The following KNSTRN variants were observed in gnomAD, a reference collection of about 807,000 sequenced individuals.
The protein encoded by KNSTRN is small kinetochore-associated protein.
KNSTRN carries 38 observed loss-of-function variants against 44.7 expected under a neutral mutation model. The observed-to-expected ratio is 0.85, with a 90% CI of 0.66 to 1.11. The LOEUF (loss-of-function observed/expected upper bound fraction) is 1.11. Ranked by LOEUF, KNSTRN falls within the 50% of genes most tolerant of loss-of-function variation. The pLI is 0.00. For synonymous variants in KNSTRN, 158 were observed against 148.1 expected (o/e 1.07, Z -0.48); for missense variants, 406 against 375.8 (o/e 1.08, Z -0.66).
rs941367526 is a variant in KNSTRN, at chr15:40,393,951, T to G, written c.*354T>G. ...GAGGATCTAAAATGTCACATTCAGA[T>G]TTTCAGGAAGAAAATCTTCATTACA... On this transcript the variant is annotated 3_prime_UTR_variant, in exon 9 of 9. Coordinates refer to ENST00000249776, the MANE Select transcript of KNSTRN (RefSeq NM_033286.4). 3 of 175,936 alleles carry G rather than the reference T, an allele frequency of 1.7e-5. No homozygotes were observed. The East Asian group carries it at 5.2e-4, about 30-fold the overall frequency. The allele number at this position is 175,936 out of a possible 1,614,324, so 10.9% of individuals were successfully genotyped here. A position where few individuals can be genotyped will look rare whatever the true frequency, so the allele number is the denominator to read the frequency against.
intron 7 of KNSTRN, 74 bp downstream of exon 7, chr15:40,391,628 T>C (rs1455874450): frequency 1.3e-5 from 16 of 1,229,938 alleles, no homozygotes; most frequent in Non-Finnish European, 1.7e-5. Flanking sequence ...AGGTCTCTGC[T>C]ATATATTCCA....
intron 5 of KNSTRN, 89 bp downstream of exon 5, chr15:40,389,700 G>A: frequency 7.8e-7 from 1 of 1,284,164 alleles, no homozygotes; most frequent in South Asian, 1.2e-5. Flanking sequence ...GAGCAAGCTT[G>A]TTAATGCACA....
intron 6 of KNSTRN, among the ~76,000 whole-genome samples, chr15:40,390,702 C>T (rs1889983404): frequency 6.6e-6 from 1 of 152,012 alleles, no homozygotes; most frequent in Non-Finnish European, 1.5e-5. Flanking sequence ...GAAACCTCCT[C>T]CTCCTGGGTT....
chr15:40,392,667 A>G (rs761809657), intron 8 of KNSTRN, among the ~76,000 whole-genome samples: 2 of 152,140 alleles, frequency 1.3e-5, no homozygotes, highest in African/African-American at 2.4e-5. Flanking sequence ...CTGGAGTGCA[A>G]TGGCGTGATC....
Position 40,383,113 on chromosome 15 carries a change from A to ATTTTCTCT in KNSTRN, c.209+73_209+80dup, listed in dbSNP as rs1408108356. 12 of 1,595,810 alleles carry ATTTTCTCT rather than the reference A, an allele frequency of 7.5e-6. No individual in the cohort carries two copies. The South Asian group carries it at 7.7e-5, about 10-fold the overall frequency. ...GGACGGAATGAGCTGGGAAAGGAGGATTTTCTCTTTTCCAACCCCGAGCCG... is the reference window on the plus strand; with the variant it reads ...GGACGGAATGAGCTGGGAAAGGAGGATTTTCTCTTTTTCTCTTTTCCAACCCCGAGCCG... On this transcript the variant is annotated intron_variant, in intron 1 of 8. Coordinates refer to ENST00000249776, the MANE Select transcript of KNSTRN (RefSeq NM_033286.4).
chr15:40,383,630 C>T (rs1021576515), intron 2 of KNSTRN, among the ~76,000 whole-genome samples: 11 of 152,206 alleles, frequency 7.2e-5, no homozygotes, highest in African/African-American at 2.7e-4. Context: ...AATCGGTTAT[C>T]GTCTTATTTC....
chr15:40,382,729 C>A lies in KNSTRN; in HGVS notation c.-107C>A. On this transcript the variant is annotated 5_prime_UTR_variant, in exon 1 of 9. Coordinates refer to ENST00000249776, the MANE Select transcript of KNSTRN (RefSeq NM_033286.4). The stretch of plus-strand genomic sequence containing the variant: ...TATGACGCTGGTAGCTCATTAGCTC[C>A]ATTCAAGCCTACAAATTGCATCACC... The A allele has an allele frequency of 1.0e-6, 1 of 956,908 alleles. No individual in the cohort carries two copies. The allele number at this position is 956,908 out of a possible 1,614,324, so 59.3% of individuals were successfully genotyped here. A position where few individuals can be genotyped will look rare whatever the true frequency, so the allele number is the denominator to read the frequency against.
chr15:40,388,050 G>A (rs1051246939), intron 4 of KNSTRN, among the ~76,000 whole-genome samples: 3 of 152,156 alleles, frequency 2.0e-5, no homozygotes, highest in African/African-American at 7.2e-5. Context: ...TAGCAAAAAA[G>A]ACTGAGAACT....
intron 8 of KNSTRN, chr15:40,393,109 A>G (rs1890029705): frequency 3.5e-6 from 5 of 1,415,634 alleles, no homozygotes; most frequent in South Asian, 2.3e-5. Flanking sequence ...ATTGAGAACT[A>G]TATGTAATCC....
chr15:40,389,494 C>T lies in KNSTRN; in HGVS notation c.486-12C>T, dbSNP rs1435974936. The T allele has an allele frequency of 6.3e-7, 1 of 1,598,846 alleles. No homozygotes were observed. On this transcript the variant is annotated splice_polypyrimidine_tract_variant and intron_variant, in intron 4 of 8. Transcript: ENST00000249776. Reference sequence around the variant, plus strand: ...CTTTTATCTTTTCATGTAAGTACAACTATTATTACAGCTACAAACCACTGA... The same window carrying T: ...CTTTTATCTTTTCATGTAAGTACAATTATTATTACAGCTACAAACCACTGA...
chr15:40,387,505 C>T (rs897439100), intron 4 of KNSTRN, among the ~76,000 whole-genome samples: 16 of 152,140 alleles, frequency 1.1e-4, no homozygotes, highest in African/African-American at 3.9e-4. Context: ...AGGGTAAAGC[C>T]TTCAGGAGAG....
rs750156271 is a variant in KNSTRN, at chr15:40,383,190, G to A, written c.210-38G>A. The stretch of plus-strand genomic sequence containing the variant: ...GGCCCTCCACTCTCTCGGGCCCAGT[G>A]GCCCAGCGCTGGGTAACATTCATCC... On this transcript the variant is annotated intron_variant, in intron 1 of 8. Coordinates refer to ENST00000249776, the MANE Select transcript of KNSTRN (RefSeq NM_033286.4). 33 of 1,602,238 alleles carry A rather than the reference G, an allele frequency of 2.1e-5. No individual in the cohort carries two copies. The South Asian group carries it at 3.3e-4, about 16-fold the overall frequency.
chr15:40,385,394 C>G (rs1329780628), intron 2 of KNSTRN, among the ~76,000 whole-genome samples: 1 of 152,068 alleles, frequency 6.6e-6, no homozygotes, highest in Non-Finnish European at 1.5e-5. Flanking sequence ...GATTAGAATG[C>G]CTAATAGGGA....
rs1056073891 is a variant in KNSTRN at position 40,382,861 on chromosome 15, T to G, written c.26T>G (p.Leu9Arg). 4 of 1,611,362 alleles carry G rather than the reference T, an allele frequency of 2.5e-6. No individual in the cohort carries two copies. The African/African-American group carries it at 5.3e-5, about 22-fold the overall frequency. MAAPEAPP[L>R]DRVFRTTWLS... ...ATGGCGGCTCCCGAAGCCCCGCCCC[T>G]GGACAGAGTTTTCCGTACAACATGG... Residue 9 changes from leucine to arginine, a missense_variant, in exon 1 of 9, where the codon CTG becomes CGG. Physicochemically the swap from Leu to Arg is moderately radical, Grantham distance 102 (BLOSUM62 -2). Transcript: ENST00000249776.
chr15:40,389,033 A>G (rs1405134942), intron 4 of KNSTRN: 1 of 357,250 alleles, frequency 2.8e-6, no homozygotes, highest in Admixed American at 3.9e-5. Context: ...CCTGATTTCA[A>G]AAATGAGGAA....
intron 2 of KNSTRN, 196 bp downstream of exon 2, chr15:40,383,518 G>T: frequency 1.8e-6 from 1 of 567,752 alleles, no homozygotes; most frequent in Non-Finnish European, 3.1e-6. Flanking sequence ...TTTTAGACGT[G>T]CTCTGCACTT....
chr15:40,392,703 C>T (rs557774640), intron 8 of KNSTRN, among the ~76,000 whole-genome samples: 76 of 152,254 alleles, frequency 5.0e-4, no homozygotes, highest in Non-Finnish European at 9.1e-4. Context: ...CTCCGCCTCC[C>T]GGGTTCAAGC....
In KNSTRN at chr15:40,382,978, C is replaced by A; in HGVS notation, c.143C>A (p.Thr48Lys). ...GCGGCCGACTTAGCCGGTGGCACGA[C>A]AGTTGCTGCAGGGAATCTTTTAAAC... ...TQAADLAGGT[T>K]VAAGNLLNES... is the part of the protein sequence containing the mutation. The change falls in exon 1 of 9, where the codon ACA becomes AAA. Residue 48 changes from threonine (T) to lysine (K), a missense_variant. Thr to Lys is a moderately conservative substitution (Grantham distance 78). Transcript: ENST00000249776. 1 of 1,612,212 alleles carries A rather than the reference C, an allele frequency of 6.2e-7. No individual in the cohort carries two copies. Among genetic ancestry groups the A allele is most frequent in the Non-Finnish European group, 8.5e-7 (1 of 1,180,044 alleles).
intron 4 of KNSTRN, 143 bp downstream of exon 4, chr15:40,387,349 G>A (rs1889920383): frequency 2.8e-6 from 2 of 715,838 alleles, no homozygotes; most frequent in African/African-American, 1.7e-5. Context: ...GAATTTTCAG[G>A]GGTGAGGCAC....
Sources: allele counts gnomAD v4.1 joint callset (sites outside exome capture counted in the v4.1 genomes callset), GRCh38; gene constraint gnomAD v4.1.1; transcripts MANE v1.5; gene names NCBI Gene and HGNC (gene_info 2026-07-23, HGNC 2026-07-21).